CDC34: variants seen among roughly 807,000 people sequenced by gnomAD.
CDC34 encodes the protein cell division cycle 34, ubiquitin conjugating enzyme, also known as ubiquitin-conjugating enzyme E2 R1.
A neutral mutation model predicts 26.8 loss-of-function variants in CDC34; 18 were observed. The observed-to-expected ratio is 0.67, with a 90% confidence interval of 0.47 to 1.00. The LOEUF (loss-of-function observed/expected upper bound fraction) is 1.00, where lower values mean the gene tolerates loss of function less well. CDC34 is among the 50% of genes least tolerant of loss of function. CDC34 has a pLI of 0.00. For synonymous variants in CDC34, 178 were observed against 147.5 expected (o/e 1.21, Z -1.50); for missense variants, 280 against 334.5 (o/e 0.84, Z 1.27).
At chr19:534,064 C>T (rs1318398247) in intron 1 of CDC34, among the ~76,000 whole-genome samples, 1 of 152,154 alleles carries the variant, frequency 6.6e-6, no homozygotes, top group Non-Finnish European at 1.5e-5. Flanking sequence ...GGGGAAAAGA[C>T]ATTCTTAGAG....
chr19:532,002 C>G lies in CDC34; in HGVS notation c.71C>G (p.Pro24Arg), dbSNP rs765510335. The G allele has an allele frequency of 2.0e-6, 3 of 1,502,168 alleles. No individual in the cohort carries two copies. The East Asian group carries it at 8.5e-5, about 43-fold the overall frequency. The allele number at this position is 1,502,168 out of a possible 1,614,324, so 93.1% of individuals were successfully genotyped here. Reference protein sequence around the residue: ...LLELKGLQEEPVEGFRVTLVD... With the variant: ...LLELKGLQEERVEGFRVTLVD... ...GAGCTCAAGGGGCTGCAGGAAGAGC[C>G]GGTCGAGGGATTCCGCGTGACACTG... The change falls in exon 1 of 5, where the codon CCG becomes CGG. Residue 24 changes from proline (P) to arginine (R), a missense_variant. Coordinates refer to ENST00000215574, the MANE Select transcript of CDC34 (RefSeq NM_004359.2).
At chr19:538,715 C>G (rs915992470) in intron 4 of CDC34, 1 of 985,400 alleles carries the variant, frequency 1.0e-6, no homozygotes. Flanking sequence ...ATCCTGCACT[C>G]GCTGGTACCT....
intron 1 of CDC34, among the ~76,000 whole-genome samples, chr19:533,209 A>T (rs1208432136): frequency 6.6e-6 from 1 of 152,040 alleles, no homozygotes; most frequent in Non-Finnish European, 1.5e-5. Context: ...GTGGGGAACG[A>T]GCACCCTGTC....
Position 537,040 on chromosome 19 carries a change from C to G in CDC34, c.390C>G (p.Leu130=), listed in dbSNP as rs146636351. Residue 130 remains leucine (L), a synonymous_variant, in exon 4 of 5, where the codon CTC becomes CTG. Coordinates refer to ENST00000215574, the MANE Select transcript of CDC34 (RefSeq NM_004359.2). The part of the protein sequence containing the change: ...VRTILLSVIS[L]LNEPNTFSPA... ...CCATTCTCCTGAGTGTGATCTCCCT[C>G]CTGAACGAGCCCAACACCTTCTCGC... The G allele has an allele frequency of 8.7e-6, 14 of 1,613,772 alleles. No individual in the cohort carries two copies. Among genetic ancestry groups the G allele is most frequent in the Admixed American group, 3.3e-5 (2 of 60,010 alleles).
intron 1 of CDC34, among the ~76,000 whole-genome samples, chr19:534,245 C>T (rs1450689961): frequency 6.6e-6 from 1 of 152,034 alleles, no homozygotes; most frequent in Non-Finnish European, 1.5e-5. Flanking sequence ...TCTGTGGCCG[C>T]GGCCAAGTCA....
At chr19:538,453 T>C (rs1979861890) in intron 4 of CDC34, among the ~76,000 whole-genome samples, 2 of 152,218 alleles carry the variant, frequency 1.3e-5, no homozygotes, top group Admixed American at 1.3e-4. Flanking sequence ...TGCGTGTCTG[T>C]GTACAAAGAC....
At chr19:538,603 AT>A (rs1979871539) in intron 4 of CDC34, 2 of 655,474 alleles carry the variant, frequency 3.1e-6, no homozygotes, top group Non-Finnish European at 3.8e-6. Flanking sequence ...TTTTGTTGGT[AT>A]TTTGTATAAA....
At chr19:539,741 G>T (rs892652291) in intron 4 of CDC34, among the ~76,000 whole-genome samples, 2 of 152,208 alleles carry the variant, frequency 1.3e-5, no homozygotes, top group African/African-American at 4.8e-5. Flanking sequence ...TGTCAAATGG[G>T]GTCAGCGTGC....
At chr19:538,130 T>A (rs1488772852) in intron 4 of CDC34, among the ~76,000 whole-genome samples, 3 of 151,910 alleles carry the variant, frequency 2.0e-5, no homozygotes, top group African/African-American at 7.3e-5. Flanking sequence ...TGACTGACTG[T>A]TAGGGAACAT....
chr19:536,305 G>A lies in CDC34; in HGVS notation c.327G>A (p.Leu109=), dbSNP rs1181694157. 6.2e-7 allele frequency: 1 copy of A among 1,612,524 alleles called. No homozygotes were observed. The highest frequency in any genetic ancestry group is 1.7e-5 in the Admixed American group (1 of 59,944). The part of the protein sequence containing the change: ...PPVDDPQSGE[L]PSERWNPTQN... ...TGGACGACCCCCAGAGCGGGGAGCT[G>A]CCCTCAGAGAGGTGGAACCCCACGC... The change falls in exon 3 of 5, where the codon CTG becomes CTA. Residue 109 remains leucine (L), a synonymous_variant. Transcript: ENST00000215574.
chr19:534,447 T>A (rs570932928), intron 1 of CDC34, among the ~76,000 whole-genome samples: 5 of 125,240 alleles, frequency 4.0e-5, no homozygotes, highest in South Asian at 2.7e-4. Flanking sequence ...TCGCCCACGA[T>A]CCAAGACCCC....
chr19:533,012 G>C (rs909175076), intron 1 of CDC34, among the ~76,000 whole-genome samples: 6 of 152,184 alleles, frequency 3.9e-5, no homozygotes. Flanking sequence ...ATTCCAAGCA[G>C]TTTCTGGATG....
chr19:541,153 G>T, intron 4 of CDC34, 186 bp from the exon 5 acceptor site: 1 of 735,034 alleles, frequency 1.4e-6, no homozygotes, highest in South Asian at 2.2e-5. Context: ...CCCTTCCCGA[G>T]CCCCCTCCTC....
At chr19:538,003 G>C (rs551664238) in intron 4 of CDC34, among the ~76,000 whole-genome samples, 10 of 152,182 alleles carry the variant, frequency 6.6e-5, no homozygotes, top group Non-Finnish European at 4.4e-5. Context: ...TCAGTTTAAC[G>C]CATGTCTGTG....
At chr19:532,316 G>A (rs562925528) in intron 1 of CDC34, among the ~76,000 whole-genome samples, 7 of 152,338 alleles carry the variant, frequency 4.6e-5, no homozygotes, top group African/African-American at 1.7e-4. Flanking sequence ...TTCAGCCTCT[G>A]CTGCAGTCCT....
At position 536,249 on chromosome 19, in the gene CDC34, G is replaced by C; in HGVS notation, c.271G>C (p.Asp91His). ...CTGTCTTCTTCTTGTGCAGACGGGG[G>C]ACGTGTGTATCTCCATCCTCCACCC... ...MWHPNIYETG[D>H]VCISILHPPV... The change falls in exon 3 of 5, where the codon GAC (aspartate) becomes CAC (histidine). Residue 91 changes from aspartate to histidine, a missense_variant. Transcript: ENST00000215574. The C allele has an allele frequency of 6.2e-7, 1 of 1,605,066 alleles. No individual in the cohort carries two copies. Among genetic ancestry groups the C allele is most frequent in the Non-Finnish European group, 8.5e-7 (1 of 1,176,434 alleles).
In CDC34 at chr19:541,652, C is replaced by A; in HGVS notation, c.*100C>A. 1 of 1,343,746 alleles carries A rather than the reference C, an allele frequency of 7.4e-7. No homozygotes were observed. Among genetic ancestry groups the A allele is most frequent in the Non-Finnish European group, 1.0e-6 (1 of 1,004,700 alleles). The allele number at this position is 1,343,746 out of a possible 1,614,324, so 83.2% of individuals were successfully genotyped here. On this transcript the variant is annotated 3_prime_UTR_variant, in exon 5 of 5. Coordinates refer to ENST00000215574, the MANE Select transcript of CDC34 (RefSeq NM_004359.2). ...ACGGAGGTTTTGTGCTGGTCCCCGTCTCCTCTGGTTGTTTCGTTTTGGCTT... is the reference window on the plus strand; with the variant it reads ...ACGGAGGTTTTGTGCTGGTCCCCGTATCCTCTGGTTGTTTCGTTTTGGCTT...
chr19:531,841 C>A lies in CDC34; in HGVS notation c.-91C>A, dbSNP rs866254652. ...CAGGCGGCGGCCCCGGTGGCTCCCC[C>A]CCGGACGGTGCGCGGCCCGGCCCGT... On this transcript the variant is annotated 5_prime_UTR_variant, in exon 1 of 5. Coordinates refer to ENST00000215574, the MANE Select transcript of CDC34 (RefSeq NM_004359.2). 40 of 798,744 alleles carry A rather than the reference C, an allele frequency of 5.0e-5. No individual in the cohort carries two copies. In the East Asian group the frequency reaches 1.4e-3, roughly 29 times the overall value. 49.5% of individuals were successfully genotyped at this position (798,744 alleles called of 1,614,324 possible).
Position 532,004 on chromosome 19 carries a change from G to C in CDC34, c.73G>C (p.Val25Leu), listed in dbSNP as rs1979510421. 6.6e-7 allele frequency: 1 copy of C among 1,505,484 alleles called. No individual in the cohort carries two copies. The highest frequency in any genetic ancestry group is 1.3e-5 in the South Asian group (1 of 76,906). The allele number at this position is 1,505,484 out of a possible 1,614,324, so 93.3% of individuals were successfully genotyped here. A position where few individuals can be genotyped will look rare whatever the true frequency, so the allele number is the denominator to read the frequency against. Reference sequence around the variant, plus strand: ...GCTCAAGGGGCTGCAGGAAGAGCCGGTCGAGGGATTCCGCGTGACACTGGT... The same window carrying C: ...GCTCAAGGGGCTGCAGGAAGAGCCGCTCGAGGGATTCCGCGTGACACTGGT... ...LELKGLQEEPVEGFRVTLVDE... is the reference protein window; with the variant it reads ...LELKGLQEEPLEGFRVTLVDE... Residue 25 changes from valine (V) to leucine (L), a missense_variant, in exon 1 of 5, where the codon GTC (valine) becomes CTC (leucine). By Grantham distance (32) the Val-to-Leu change is conservative (BLOSUM62 1). Transcript: ENST00000215574.
Sources: gnomAD v4.1 joint callset for allele counts (sites outside exome capture counted in the v4.1 genomes callset) on GRCh38, gnomAD v4.1.1 for gene constraint, MANE v1.5 for transcripts, NCBI Gene and HGNC (gene_info 2026-07-23, HGNC 2026-07-21) for gene names.